Variants in SOX6 observed in about 807,000 individuals in gnomAD.
The protein encoded by SOX6 is SRY-box transcription factor 6, also known as transcription factor SOX-6.
A neutral mutation model predicts 97.8 loss-of-function variants in SOX6; 11 were observed. That is an observed-to-expected ratio of 0.11 (90% CI 0.07 to 0.19). The LOEUF is 0.19. SOX6 is among the 10% of genes least tolerant of loss of function. The pLI is 1.00. For missense variants in SOX6, 810 were observed against 1,039.5 expected, an observed-to-expected ratio of 0.78 and a Z score of 3.04; for synonymous variants, 360 against 371.4, an observed-to-expected ratio of 0.97 and a Z score of 0.35.
intron 1 of SOX6, among the ~76,000 whole-genome samples, chr11:16,447,443 T>TTCTC (rs142888152): frequency 0.67 from 100,384 of 149,952 alleles, 33,974 homozygotes; most frequent in East Asian, 0.85. Flanking sequence ...CTCCTTCGAT[T>TTCTC]TCTCTCTCTC....
intron 1 of SOX6, among the ~76,000 whole-genome samples, chr11:16,345,113 G>A (rs1565103043): frequency 1.3e-5 from 2 of 151,522 alleles, no homozygotes; most frequent in African/African-American, 4.8e-5. Context: ...TTTGTTTGGT[G>A]TTTTTTTTAA....
chr11:16,436,517 A>G (rs1859379066), intron 1 of SOX6, among the ~76,000 whole-genome samples: 1 of 151,998 alleles, frequency 6.6e-6, no homozygotes, highest in African/African-American at 2.4e-5. Flanking sequence ...TGAGTTCCCT[A>G]CTCATACTTA....
intron 4 of SOX6, among the ~76,000 whole-genome samples, chr11:16,555,431 GTCTTT>G (rs1847739677): frequency 6.6e-6 from 1 of 151,394 alleles, no homozygotes; most frequent in Admixed American, 6.6e-5. Flanking sequence ...TACATATAAT[GTCTTT>G]AAATTTTTAT....
chr11:16,687,434 C>A (rs1233875197), intron 3 of SOX6, among the ~76,000 whole-genome samples: 1 of 152,154 alleles, frequency 6.6e-6, no homozygotes, highest in African/African-American at 2.4e-5. Flanking sequence ...TGACCAAACA[C>A]CTCCTTAACT....
At chr11:16,363,880 G>A (rs1325303544) in intron 1 of SOX6, among the ~76,000 whole-genome samples, 1 of 151,936 alleles carries the variant, frequency 6.6e-6, no homozygotes, top group Non-Finnish European at 1.5e-5. Context: ...AGATAAGCAT[G>A]GAAATTTGCC....
At chr11:15,974,596 T>G (rs1206346561) in intron 15 of SOX6, among the ~76,000 whole-genome samples, 1 of 142,112 alleles carries the variant, frequency 7.0e-6, no homozygotes, top group African/African-American at 2.7e-5. Context: ...TGTGTCCATG[T>G]GATCTCATTG....
chr11:16,139,372 A>G (rs1281697475), intron 6 of SOX6, among the ~76,000 whole-genome samples: 2 of 152,102 alleles, frequency 1.3e-5, no homozygotes, highest in Non-Finnish European at 2.9e-5. Context: ...AATGTCTTGT[A>G]TATTTATTAG....
At chr11:16,500,664 A>C (rs1178674092) in intron 4 of SOX6, among the ~76,000 whole-genome samples, 1 of 152,210 alleles carries the variant, frequency 6.6e-6, no homozygotes, top group Middle Eastern at 3.2e-3. Context: ...ATATACCAAT[A>C]ACAAACAAAC....
chr11:16,532,580 T>C (rs529456023), intron 4 of SOX6, among the ~76,000 whole-genome samples: 8 of 152,050 alleles, frequency 5.3e-5, no homozygotes, highest in African/African-American at 1.9e-4. Context: ...GCATGTCCAC[T>C]ACATCATGAT....
At chr11:16,306,951 G>C (rs1855460727) in intron 3 of SOX6, among the ~76,000 whole-genome samples, 1 of 152,014 alleles carries the variant, frequency 6.6e-6, no homozygotes, top group Non-Finnish European at 1.5e-5. Context: ...TAATCACAAT[G>C]CTCACTAGAG....
chr11:16,105,303 C>G (rs1206877854), intron 7 of SOX6, among the ~76,000 whole-genome samples: 5 of 151,914 alleles, frequency 3.3e-5, no homozygotes, highest in Non-Finnish European at 5.9e-5. Context: ...TCAATTGACA[C>G]AGAATAGGCA....
chr11:16,227,888 A>T (rs1852730588), intron 4 of SOX6, among the ~76,000 whole-genome samples: 1 of 152,160 alleles, frequency 6.6e-6, no homozygotes, highest in Non-Finnish European at 1.5e-5. Flanking sequence ...CTAATGTAAC[A>T]ATAGATCTCT....
chr11:16,074,003 T>G (rs1848287950), intron 9 of SOX6, among the ~76,000 whole-genome samples: 1 of 151,990 alleles, frequency 6.6e-6, no homozygotes, highest in African/African-American at 2.4e-5. Context: ...AGATCTCAAA[T>G]TAACAACCCA....
At chr11:16,159,538 G>GA (rs886095058) in intron 6 of SOX6, among the ~76,000 whole-genome samples, 7 of 152,098 alleles carry the variant, frequency 4.6e-5, no homozygotes, top group African/African-American at 9.6e-5. Context: ...TGAACTGATA[G>GA]AAAAAATAAG....
chr11:16,071,868 A>C (rs765551), intron 9 of SOX6, among the ~76,000 whole-genome samples: 5 of 151,294 alleles, frequency 3.3e-5, no homozygotes, highest in Non-Finnish European at 5.9e-5. Flanking sequence ...AACTGAACCC[A>C]CCTTTTACCA....
chr11:16,695,942 C>T (rs189380209), intron 3 of SOX6, among the ~76,000 whole-genome samples: 218 of 152,196 alleles, frequency 1.4e-3, no homozygotes, highest in Non-Finnish European at 2.6e-3. Flanking sequence ...GGGAAGCAGA[C>T]GTTGCAGTGA....
At position 16,493,137 on chromosome 11, in the gene SOX6, T is replaced by A. The variant is rs1187056659; in HGVS notation, n.610-16749A>T. On this transcript the variant is annotated intron_variant and non_coding_transcript_variant, in intron 4 of 5. Transcript: ENST00000524520. ...TTTACCCAACAAAGGTGCAGGCACTTGCACACCAAGTATACAAGAATGCAT... is the reference window on the plus strand; with the variant it reads ...TTTACCCAACAAAGGTGCAGGCACTAGCACACCAAGTATACAAGAATGCAT... Among the ~76,000 whole-genome samples the A allele has an allele frequency of 2.0e-5, 3 of 152,172 alleles. No homozygotes were observed. The East Asian group carries it at 5.8e-4, about 29-fold the overall frequency.
intron 4 of SOX6, among the ~76,000 whole-genome samples, chr11:16,198,397 T>C (rs1286394978): frequency 1.3e-5 from 2 of 152,078 alleles, no homozygotes; most frequent in Middle Eastern, 3.2e-3. Context: ...TAATTGTAGA[T>C]TATAAATTGA....
At chr11:16,719,195 G>C (rs538318918) in intron 2 of SOX6, among the ~76,000 whole-genome samples, 1 of 152,112 alleles carries the variant, frequency 6.6e-6, no homozygotes, top group Non-Finnish European at 1.5e-5. Flanking sequence ...AGTTAAAACC[G>C]ATTCATTACA....
Sources: allele counts gnomAD v4.1 joint callset (sites outside exome capture counted in the v4.1 genomes callset), GRCh38; gene constraint gnomAD v4.1.1; transcripts MANE v1.5; gene names NCBI Gene and HGNC (gene_info 2026-07-23, HGNC 2026-07-21).